ARHGEF10: variants seen among roughly 807,000 people sequenced by gnomAD.
The protein encoded by ARHGEF10 is Rho guanine nucleotide exchange factor (GEF) 10.
ARHGEF10 carries 140 observed loss-of-function variants against 147.4 expected under a neutral mutation model. The observed-to-expected ratio is 0.95, with a 90% CI of 0.83 to 1.09. The LOEUF is 1.09. Ranked by LOEUF, ARHGEF10 falls within the 50% of genes least tolerant of loss-of-function variation. The pLI is 0.00. For missense variants in ARHGEF10, 2,222 were observed against 1,752.7 expected (o/e 1.27, Z -4.78); for synonymous variants, 902 against 695.8 (o/e 1.30, Z -4.67).
Position 1,867,537 on chromosome 8 carries a change from A to T in ARHGEF10, c.622+935A>T, listed in dbSNP as rs1442613583. On this transcript the variant is annotated intron_variant, in intron 6 of 28. Coordinates refer to ENST00000349830, the MANE Select transcript of ARHGEF10 (RefSeq NM_014629.4). ...TCCCGTCTCTGTGTGGATTAAAGCG[A>T]GCGCATTTCCAACACGCGGCTCCAG... Among the ~76,000 whole-genome samples, 7 of 152,306 alleles carry T rather than the reference A, an allele frequency of 4.6e-5. No homozygotes were observed. In the East Asian group the frequency reaches 1.2e-3, roughly 25 times the overall value.
chr8:1,832,506 GCAGAGA>G (rs199925013), intron 1 of ARHGEF10, among the ~76,000 whole-genome samples: 2 of 116,248 alleles, frequency 1.7e-5, no homozygotes, highest in East Asian at 2.7e-4. Flanking sequence ...AGAGACACAG[GCAGAGA>G]CAGAGACAGA....
intron 7 of ARHGEF10, chr8:1,869,601 A>C (rs951630487): frequency 5.0e-6 from 2 of 397,120 alleles, no homozygotes; most frequent in Non-Finnish European, 9.4e-6. Context: ...AGGCAAAGGT[A>C]ATAGTCAAAG....
intron 2 of ARHGEF10, among the ~76,000 whole-genome samples, chr8:1,847,451 T>G (rs1197406103): frequency 6.6e-6 from 1 of 152,176 alleles, no homozygotes. Context: ...GCAAATTACA[T>G]TAGGGCAAAA....
At chr8:1,954,472 TA>T (rs34310341) in intron 28 of ARHGEF10, among the ~76,000 whole-genome samples, 58 of 149,484 alleles carry the variant, frequency 3.9e-4, no homozygotes, top group Admixed American at 1.7e-3. Context: ...ATTCCAACAT[TA>T]AAAAAAAAAA....
At chr8:1,880,247 TC>T in intron 9 of ARHGEF10, 83 bp downstream of exon 9, 2 of 948,768 alleles carry the variant, frequency 2.1e-6, no homozygotes, top group Non-Finnish European at 3.4e-6. Context: ...GTCCTTGCTG[TC>T]TCAACAGCGG....
intron 8 of ARHGEF10, among the ~76,000 whole-genome samples, chr8:1,878,625 G>C (rs1347340320): frequency 2.6e-5 from 4 of 152,196 alleles, no homozygotes; most frequent in East Asian, 3.9e-4. Flanking sequence ...GTGCCTCGGA[G>C]CGTGGGTTAA....
chr8:1,859,927 C>T lies in ARHGEF10; in HGVS notation c.224C>T (p.Thr75Ile). ...GGEDGAGAET[T>I]PVAEPTKLVL... ...GAGGATGGAGCTGGAGCAGAAACCA[C>T]CCCAGTGGCAGAGCCTACTAAGCTG... The change falls in exon 4 of 29, where the codon ACC becomes ATC. Residue 75 changes from threonine to isoleucine, a missense_variant. Physicochemically the swap from Thr to Ile is moderately conservative, Grantham distance 89. Coordinates refer to ENST00000349830, the MANE Select transcript of ARHGEF10 (RefSeq NM_014629.4). 1.2e-6 allele frequency: 2 copies of T among 1,614,208 alleles called. No individual in the cohort carries two copies. The highest frequency in any genetic ancestry group is 1.1e-5 in the South Asian group (1 of 91,088).
intron 18 of ARHGEF10, among the ~76,000 whole-genome samples, chr8:1,918,111 T>C (rs1435008142): frequency 6.6e-6 from 1 of 152,160 alleles, no homozygotes; most frequent in African/African-American, 2.4e-5. Context: ...TTAATCAATT[T>C]TGGCCTGAAA....
chr8:1,908,814 G>A (rs776603399), intron 17 of ARHGEF10, among the ~76,000 whole-genome samples: 35 of 152,024 alleles, frequency 2.3e-4, no homozygotes, highest in Admixed American at 1.4e-3. Flanking sequence ...TTCAATTTCC[G>A]TATACTTGAT....
intron 18 of ARHGEF10, among the ~76,000 whole-genome samples, chr8:1,911,307 C>T (rs930704771): frequency 2.6e-5 from 4 of 151,974 alleles, no homozygotes; most frequent in Middle Eastern, 6.3e-3. Flanking sequence ...TTTATCACGT[C>T]TCTATGGAAA....
chr8:1,866,882 A>G (rs747158515), intron 6 of ARHGEF10, among the ~76,000 whole-genome samples: 1 of 152,094 alleles, frequency 6.6e-6, no homozygotes, highest in East Asian at 1.9e-4. Context: ...TAACAGTGAG[A>G]TATGTGGGTA....
In ARHGEF10 at chr8:1,957,091, C is replaced by T; in HGVS notation, c.3863C>T (p.Pro1288Leu). Residue 1288 changes from proline (P) to leucine (L), a missense_variant, in exon 29 of 29, where the codon CCT (proline) becomes CTT (leucine). Physicochemically the swap from Pro to Leu is moderately conservative, Grantham distance 98. Transcript: ENST00000349830. Reference sequence around the variant, plus strand: ...ACCATCTATGATCTCCTGAAGGATCCTGTCTCGCTGAGAAGCAAAGCACGC... The same window carrying T: ...ACCATCTATGATCTCCTGAAGGATCTTGTCTCGCTGAGAAGCAAAGCACGC... ...DSTIYDLLKD[P>L]VSLRSKARRA... is the part of the protein sequence containing the mutation. 6.2e-7 allele frequency: 1 copy of T among 1,613,418 alleles called. No homozygotes were observed. The highest frequency in any genetic ancestry group is 8.5e-7 in the Non-Finnish European group (1 of 1,180,032).
chr8:1,907,190 A>G (rs1472203201), intron 17 of ARHGEF10, among the ~76,000 whole-genome samples: 1 of 152,178 alleles, frequency 6.6e-6, no homozygotes, highest in Non-Finnish European at 1.5e-5. Flanking sequence ...CCCTGGTGTT[A>G]TGAGGTGCTT....
At chr8:1,860,948 G>A (rs1336928250) in intron 4 of ARHGEF10, among the ~76,000 whole-genome samples, 1 of 152,162 alleles carries the variant, frequency 6.6e-6, no homozygotes, top group African/African-American at 2.4e-5. Flanking sequence ...TTCCTCGCCG[G>A]GAAGATGCCG....
intron 2 of ARHGEF10, among the ~76,000 whole-genome samples, chr8:1,848,618 G>T (rs930482528): frequency 6.6e-6 from 1 of 152,126 alleles, no homozygotes; most frequent in Non-Finnish European, 1.5e-5. Context: ...TGACTTTACA[G>T]TTTATAATCT....
At chr8:1,900,761 C>G (rs7015000) in intron 15 of ARHGEF10, among the ~76,000 whole-genome samples, 12 of 152,044 alleles carry the variant, frequency 7.9e-5, no homozygotes. Flanking sequence ...AAGACTTGCA[C>G]TTAGAAAGAT....
At chr8:1,840,303 T>C (rs367772386) in intron 1 of ARHGEF10, among the ~76,000 whole-genome samples, 405 of 114,680 alleles carry the variant, frequency 3.5e-3, no homozygotes, top group East Asian at 0.025. Flanking sequence ...GGAAGCTGTC[T>C]GGTGTGGGGA....
chr8:1,849,414 G>T (rs567177015), intron 2 of ARHGEF10, among the ~76,000 whole-genome samples: 3 of 148,848 alleles, frequency 2.0e-5, no homozygotes, highest in South Asian at 2.1e-4. Flanking sequence ...GGCCGGCCGC[G>T]TGGACACAGA....
chr8:1,935,443 C>G (rs1014615781), intron 26 of ARHGEF10, among the ~76,000 whole-genome samples: 1 of 152,188 alleles, frequency 6.6e-6, no homozygotes, highest in African/African-American at 2.4e-5. Context: ...ATCCTCTGCT[C>G]TCTGTTCAGC....
Sources: gnomAD v4.1 joint callset for allele counts (sites outside exome capture counted in the v4.1 genomes callset) on GRCh38, gnomAD v4.1.1 for gene constraint, MANE v1.5 for transcripts, NCBI Gene and HGNC (gene_info 2026-07-23, HGNC 2026-07-21) for gene names.